The following SULF1 variants were observed in gnomAD, a reference collection of about 807,000 sequenced individuals.
The protein encoded by SULF1 is extracellular sulfatase Sulf-1.
A neutral mutation model predicts 110.5 loss-of-function variants in SULF1; 46 were observed. That is an observed-to-expected ratio of 0.42 (90% CI 0.33 to 0.53). The LOEUF is 0.53. Ranked by LOEUF, SULF1 falls within the 20% of genes least tolerant of loss-of-function variation. The pLI is 0.12. For synonymous variants in SULF1, 371 were observed against 387.1 expected, an observed-to-expected ratio of 0.96 and a Z score of 0.49; for missense variants, 941 against 1,094.2, an observed-to-expected ratio of 0.86 and a Z score of 1.98.
chr8:69,551,466 C>T (rs1056844371), intron 3 of SULF1, among the ~76,000 whole-genome samples: 1 of 152,188 alleles, frequency 6.6e-6, no homozygotes, highest in Admixed American at 6.5e-5. Context: ...GGTGAAGGCT[C>T]TCCCATGGAA....
chr8:69,656,631 G>A lies in SULF1; in HGVS notation c.2586-1874G>A, dbSNP rs192148531. On this transcript the variant is annotated intron_variant, in intron 22 of 22. Transcript: ENST00000402687. ...GATAATGGCTTCCAGCTTCATCCAT[G>A]TCCCTGAATAGGAAATGATCTCATT... Among the ~76,000 whole-genome samples the A allele has an allele frequency of 3.5e-4, 53 of 152,232 alleles. No homozygotes were observed. In the East Asian group the frequency reaches 0.01, roughly 29 times the overall value.
rs766083436 is a variant in SULF1, at chr8:69,604,942, G to A, written c.1377+10G>A. ...TGAACAACCGGGGCAGGTGAGTGAC[G>A]CAGGCTTTCTTTACCACCACTCATG... On this transcript the variant is annotated intron_variant, in intron 13 of 22. Transcript: ENST00000402687. 2.6e-5 allele frequency: 42 copies of A among 1,612,968 alleles called. No individual in the cohort carries two copies. The highest frequency in any genetic ancestry group is 6.7e-5 in the African/African-American group (5 of 74,856).
At chr8:69,495,521 T>C (rs531122745) in intron 1 of SULF1, among the ~76,000 whole-genome samples, 1 of 152,336 alleles carries the variant, frequency 6.6e-6, no homozygotes, top group Non-Finnish European at 1.5e-5. Flanking sequence ...AAATCAGAGC[T>C]TTAATCTTGT....
chr8:69,470,406 C>A (rs1809032785), intron 1 of SULF1, among the ~76,000 whole-genome samples: 1 of 152,088 alleles, frequency 6.6e-6, no homozygotes, highest in Admixed American at 6.5e-5. Context: ...AAATATGTTT[C>A]CTATTTAAAT....
chr8:69,647,925 T>C (rs1190183549), intron 22 of SULF1, among the ~76,000 whole-genome samples: 5 of 151,434 alleles, frequency 3.3e-5, no homozygotes. Flanking sequence ...ATTTTTACTA[T>C]GGCCAATTCT....
Position 69,659,002 on chromosome 8 carries a change from C to T in SULF1, c.*467C>T, listed in dbSNP as rs745700843. ...ATGGACGGGGCATGAAGAGACTAAT[C>T]ATCTGGAAACCGATTTCAGTGGCGA... is the stretch of plus-strand genomic sequence containing the variant. On this transcript the variant is annotated 3_prime_UTR_variant, in exon 23 of 23. Transcript: ENST00000402687. 7 of 457,370 alleles carry T rather than the reference C, an allele frequency of 1.5e-5. No individual in the cohort carries two copies. The highest frequency in any genetic ancestry group is 1.1e-4 in the South Asian group (7 of 64,576). 28.3% of individuals were successfully genotyped at this position (457,370 alleles called of 1,614,324 possible).
At chr8:69,578,203 C>A (rs1443758327) in intron 6 of SULF1, among the ~76,000 whole-genome samples, 5 of 152,168 alleles carry the variant, frequency 3.3e-5, no homozygotes, top group Non-Finnish European at 7.3e-5. Flanking sequence ...TGTGCTATAT[C>A]CACCTTAAGA....
chr8:69,487,835 T>C (rs1809768201), intron 1 of SULF1, among the ~76,000 whole-genome samples: 1 of 152,204 alleles, frequency 6.6e-6, no homozygotes, highest in African/African-American at 2.4e-5. Context: ...CTTCATGCTG[T>C]TTATAAAACA....
At chr8:69,586,212 T>TA in intron 6 of SULF1, 145 bp from the exon 7 acceptor site, 2 of 715,924 alleles carry the variant, frequency 2.8e-6, no homozygotes, top group Non-Finnish European at 4.4e-6. Context: ...ATTGGAGTAT[T>TA]ACACTAATGT....
At chr8:69,611,321 TACATCTTCC>T (rs1192429619) in intron 13 of SULF1, among the ~76,000 whole-genome samples, 5 of 152,256 alleles carry the variant, frequency 3.3e-5, no homozygotes, top group Non-Finnish European at 7.3e-5. Context: ...ACAATAATCA[TACATCTTCC>T]AACATTCCAG....
At chr8:69,468,696 G>T (rs192022206) in intron 1 of SULF1, among the ~76,000 whole-genome samples, 2 of 152,288 alleles carry the variant, frequency 1.3e-5, no homozygotes, top group East Asian at 1.9e-4. Context: ...CTAATATCTC[G>T]TGTTGTATCA....
In SULF1 at chr8:69,564,187, CA is replaced by C. The variant is rs1300476764; in HGVS notation, c.172+41del. ...TCTTCACTTGTTAGTCTCTTTTGTT[CA>C]GATGATTTCTCGAGTCTCAGGATTA... On this transcript the variant is annotated intron_variant, in intron 5 of 22. Transcript: ENST00000402687. 1.9e-6 allele frequency: 3 copies of C among 1,603,378 alleles called. No homozygotes were observed. The South Asian group carries it at 3.3e-5, about 18-fold the overall frequency.
At chr8:69,626,910 G>C (rs1157444709) in intron 15 of SULF1, among the ~76,000 whole-genome samples, 1 of 152,250 alleles carries the variant, frequency 6.6e-6, no homozygotes, top group Non-Finnish European at 1.5e-5. Flanking sequence ...AGCTCAGAAA[G>C]GGGCTCCCAC....
intron 13 of SULF1, among the ~76,000 whole-genome samples, chr8:69,618,772 G>T (rs994409746): frequency 6.6e-6 from 1 of 152,120 alleles, no homozygotes; most frequent in Non-Finnish European, 1.5e-5. Flanking sequence ...TAGGATTTGG[G>T]GATTATATAG....
chr8:69,655,175 G>A (rs1351303537), intron 22 of SULF1, among the ~76,000 whole-genome samples: 1 of 152,210 alleles, frequency 6.6e-6, no homozygotes, highest in Admixed American at 6.5e-5. Flanking sequence ...TACCAGCTAT[G>A]CATGGGGTGC....
chr8:69,528,992 A>T (rs1465402046), intron 3 of SULF1, among the ~76,000 whole-genome samples: 1 of 152,214 alleles, frequency 6.6e-6, no homozygotes, highest in South Asian at 2.1e-4. Context: ...GGAAATGCTT[A>T]TTAGGAACTT....
chr8:69,650,268 C>T (rs562117183), intron 22 of SULF1, among the ~76,000 whole-genome samples: 1 of 152,160 alleles, frequency 6.6e-6, no homozygotes, highest in African/African-American at 2.4e-5. Context: ...TCCCGAATTG[C>T]TGGGATTACA....
intron 3 of SULF1, among the ~76,000 whole-genome samples, chr8:69,544,331 C>T (rs749389825): frequency 1.3e-5 from 2 of 152,012 alleles, no homozygotes; most frequent in South Asian, 2.1e-4. Flanking sequence ...TACAGTGCCA[C>T]GATCTCGGCT....
chr8:69,657,401 G>C (rs906483868), intron 22 of SULF1, among the ~76,000 whole-genome samples: 17 of 152,306 alleles, frequency 1.1e-4, no homozygotes, highest in African/African-American at 4.1e-4. Context: ...CAGGCACAAG[G>C]CTGGGACTTA....
Sources: gnomAD v4.1 joint callset for allele counts (sites outside exome capture counted in the v4.1 genomes callset) on GRCh38, gnomAD v4.1.1 for gene constraint, MANE v1.5 for transcripts, NCBI Gene and HGNC (gene_info 2026-07-23, HGNC 2026-07-21) for gene names.